The following FSHR variants were observed in gnomAD, a reference collection of about 807,000 sequenced individuals.
FSHR encodes follicle-stimulating hormone receptor.
A neutral mutation model predicts 52.1 loss-of-function variants in FSHR; 46 were observed. That is an observed-to-expected ratio of 0.88 (90% CI 0.70 to 1.13). FSHR has a LOEUF of 1.13. Ranked by LOEUF, FSHR falls within the 50% of genes most tolerant of loss-of-function variation. The probability of loss-of-function intolerance (pLI) is 0.00; values close to 1 mark genes in which losing one functional copy is unlikely to be tolerated. For synonymous variants in FSHR, 399 were observed against 309.6 expected (o/e 1.29, Z -3.03); for missense variants, 964 against 834.6 (o/e 1.16, Z -1.91).
At chr2:49,127,818 T>TTCTTCC (rs1672085777) in intron 1 of FSHR, among the ~76,000 whole-genome samples, 1 of 68,334 alleles carries the variant, frequency 1.5e-5, no homozygotes, top group African/African-American at 5.9e-5. Context: ...CTTCTTCTTC[T>TTCTTCC]TCTTCTTCTT....
At position 49,036,547 on chromosome 2, in the gene FSHR, C is replaced by T. The variant is rs191529233; in HGVS notation, c.225-16387G>A. 5.7e-4 allele frequency among the ~76,000 whole-genome samples: 87 copies of T among 152,086 alleles called. 1 individual carries two copies. The East Asian group carries it at 7.9e-3, about 14-fold the overall frequency. ...TATATATAAATACATAGGGCACAGTCAGGGCTGCAGCTTTGGACAAATTGG... is the reference window on the plus strand; with the variant it reads ...TATATATAAATACATAGGGCACAGTTAGGGCTGCAGCTTTGGACAAATTGG... On this transcript the variant is annotated intron_variant, in intron 2 of 9. Transcript: ENST00000406846.
At chr2:49,026,236 T>C (rs540835296) in intron 2 of FSHR, among the ~76,000 whole-genome samples, 231 of 152,326 alleles carry the variant, frequency 1.5e-3, no homozygotes, top group African/African-American at 5.2e-3. Flanking sequence ...CAACAAACGA[T>C]TGTGTTCATT....
chr2:49,122,683 T>C (rs1671859995), intron 1 of FSHR, among the ~76,000 whole-genome samples: 1 of 152,152 alleles, frequency 6.6e-6, no homozygotes. Flanking sequence ...CAACTCCTAC[T>C]CCAGGGTGTG....
At chr2:49,089,956 C>A (rs930782319) in intron 1 of FSHR, among the ~76,000 whole-genome samples, 1 of 152,074 alleles carries the variant, frequency 6.6e-6, no homozygotes, top group Non-Finnish European at 1.5e-5. Context: ...AAAAGACTTA[C>A]CAGTGGCTAA....
rs121909661 is a variant in FSHR at position 48,963,566 on chromosome 2, C to G, written c.1255G>C (p.Ala419Pro). ...CTCTTGGTATGGATATCAACTGATG[C>G]AATGAGCAGCAGGTAGATTCCAATG... ...LCIGIYLLLI[A>P]SVDIHTKSQY... The change falls in exon 10 of 10, where the codon GCA becomes CCA. Residue 419 changes from alanine (A) to proline (P), a missense_variant. Physicochemically the swap from Ala to Pro is conservative, Grantham distance 27. Transcript: ENST00000406846. The G allele has an allele frequency of 2.5e-6, 4 of 1,614,062 alleles. No homozygotes were observed. The highest frequency in any genetic ancestry group is 1.3e-5 in the African/African-American group (1 of 74,926).
In FSHR at chr2:48,963,823, A is replaced by G. The variant is rs1183449924; in HGVS notation, c.998T>C (p.Phe333Ser). The G allele has an allele frequency of 1.2e-6, 2 of 1,614,044 alleles. No individual in the cohort carries two copies. Among genetic ancestry groups the G allele is most frequent in the Non-Finnish European group, 1.7e-6 (2 of 1,180,018 alleles). Residue 333 changes from phenylalanine (F) to serine (S), a missense_variant, in exon 10 of 10, where the codon TTT becomes TCT. By Grantham distance (155) the Phe-to-Ser change is radical. Transcript: ENST00000406846. ...SRGFDMTYTE[F>S]DYDLCNEVVD... is the part of the protein sequence containing the mutation. The stretch of plus-strand genomic sequence containing the variant: ...CACTTCATTGCATAAGTCATAGTCA[A>G]ACTCAGTGTACGTCATGTCAAATCC...
Position 49,068,211 on chromosome 2 carries a change from G to A in FSHR, c.224+8C>T, listed in dbSNP as rs777897942. 3.7e-6 allele frequency: 6 copies of A among 1,607,208 alleles called. No individual in the cohort carries two copies. The highest frequency in any genetic ancestry group is 4.3e-6 in the Non-Finnish European group (5 of 1,175,740). ...AGGCATTCACTCACAGCAGTGCTAG[G>A]TACATACATTTTCTCCAGGTCCCCA... On this transcript the variant is annotated splice_region_variant and intron_variant, in intron 2 of 9. Transcript: ENST00000406846.
At chr2:48,995,999 A>G (rs751848074) in intron 4 of FSHR, among the ~76,000 whole-genome samples, 5 of 152,028 alleles carry the variant, frequency 3.3e-5, no homozygotes, top group Non-Finnish European at 7.4e-5. Flanking sequence ...GCTTTAGGCA[A>G]ATTTGATTAA....
intron 1 of FSHR, among the ~76,000 whole-genome samples, chr2:49,151,699 A>C (rs918924335): frequency 6.6e-6 from 1 of 152,100 alleles, no homozygotes; most frequent in Admixed American, 6.6e-5. Context: ...ATCCACCTAC[A>C]CCTCATGTAA....
intron 2 of FSHR, among the ~76,000 whole-genome samples, chr2:49,036,507 A>G (rs533919666): frequency 0.014 from 2,083 of 150,088 alleles, 45 homozygotes; most frequent in African/African-American, 0.048. Context: ...GTATATCTAT[A>G]TCTATATCTA....
At chr2:49,046,134 A>C (rs1572674988) in intron 2 of FSHR, among the ~76,000 whole-genome samples, 1 of 152,146 alleles carries the variant, frequency 6.6e-6, no homozygotes, top group Non-Finnish European at 1.5e-5. Context: ...CTGCTACTTA[A>C]AGGTTGGTGT....
At chr2:48,978,481 A>G (rs376929612) in intron 8 of FSHR, among the ~76,000 whole-genome samples, 1 of 152,272 alleles carries the variant, frequency 6.6e-6, no homozygotes, top group Admixed American at 6.5e-5. Context: ...GAACTATCAA[A>G]TGAATCTGAG....
chr2:49,025,532 T>G (rs144658088), intron 2 of FSHR, among the ~76,000 whole-genome samples: 132 of 152,288 alleles, frequency 8.7e-4, no homozygotes, highest in Non-Finnish European at 1.5e-3. Flanking sequence ...ATGCATATAA[T>G]ATAATTATAA....
At chr2:49,106,417 G>T (rs1182851067) in intron 1 of FSHR, among the ~76,000 whole-genome samples, 1 of 152,106 alleles carries the variant, frequency 6.6e-6, no homozygotes, top group African/African-American at 2.4e-5. Flanking sequence ...GAGTGCATGG[G>T]GGAAGGCAAT....
In FSHR at chr2:49,031,056, T is replaced by C. The variant is rs144377529; in HGVS notation, c.225-10896A>G. ...CCAGCCAGTTAGGCCACCCAAGATA[T>C]TGGGGATCAACAACCTGGTTCAGTA... On this transcript the variant is annotated intron_variant, in intron 2 of 9. Transcript: ENST00000406846. Among the ~76,000 whole-genome samples the C allele has an allele frequency of 2.0e-4, 30 of 152,330 alleles. No homozygotes were observed. The East Asian group carries it at 4.6e-3, about 23-fold the overall frequency.
intron 1 of FSHR, among the ~76,000 whole-genome samples, chr2:49,098,910 T>C (rs1325368747): frequency 6.9e-6 from 1 of 145,954 alleles, no homozygotes; most frequent in African/African-American, 2.5e-5. Context: ...AGTGTATGTA[T>C]GTATACATAT....
intron 2 of FSHR, among the ~76,000 whole-genome samples, chr2:49,034,388 C>T (rs1668208811): frequency 6.6e-6 from 1 of 152,206 alleles, no homozygotes; most frequent in Middle Eastern, 3.2e-3. Flanking sequence ...CCCCAAATCT[C>T]CTCTATTAAG....
rs142037220 is a variant in FSHR at position 48,993,133 on chromosome 2, A to G, written c.375-2496T>C. ...TCTGGGCCTTTTGCTTCTCTTTTCT[A>G]TAGTCTCACTACATAGATCTTGCTT... On this transcript the variant is annotated intron_variant, in intron 4 of 9. Transcript: ENST00000406846. Among the ~76,000 whole-genome samples, 475 of 151,852 alleles carry G rather than the reference A, an allele frequency of 3.1e-3. 6 individuals are homozygous for G. The highest frequency in any genetic ancestry group is 0.011 in the African/African-American group (459 of 41,370).
At chr2:49,072,277 C>T (rs2103628959) in intron 1 of FSHR, among the ~76,000 whole-genome samples, 1 of 152,208 alleles carries the variant, frequency 6.6e-6, no homozygotes. Flanking sequence ...TTAAGTCATA[C>T]ATGGGTCAAA....
Sources: allele counts gnomAD v4.1 joint callset (sites outside exome capture counted in the v4.1 genomes callset), GRCh38; gene constraint gnomAD v4.1.1; transcripts MANE v1.5; gene names NCBI Gene and HGNC (gene_info 2026-07-23, HGNC 2026-07-21).